The following ATXN7L1 variants were observed in gnomAD, a reference collection of about 807,000 sequenced individuals.
ATXN7L1 encodes ataxin-7-like protein 1.
ATXN7L1 carries 15 observed loss-of-function variants against 70.8 expected under a neutral mutation model. The observed-to-expected ratio is 0.21, with a 90% confidence interval of 0.14 to 0.33. The LOEUF is 0.33. Ranked by LOEUF, ATXN7L1 falls within the 10% of genes least tolerant of loss-of-function variation. The pLI is 1.00. For missense variants in ATXN7L1, 975 were observed against 1,097.1 expected (o/e 0.89, Z 1.57); for synonymous variants, 440 against 445.1 (o/e 0.99, Z 0.14).
intron 3 of ATXN7L1, among the ~76,000 whole-genome samples, chr7:105,708,901 T>C (rs1793517401): frequency 6.6e-6 from 1 of 152,216 alleles, no homozygotes; most frequent in Admixed American, 6.5e-5. Context: ...AAATGTTGCT[T>C]TTAGCAGACC....
rs554757416 is a variant in ATXN7L1, at chr7:105,824,498, G to T, written c.251-35790C>A. On this transcript the variant is annotated intron_variant, in intron 2 of 11. Transcript: ENST00000419735. Reference sequence around the variant, plus strand: ...CCAGGATGCAACGGTAAGAAAAAAAGCAGAAAACAATCAAGAGCTCTTGGA... The same window carrying T: ...CCAGGATGCAACGGTAAGAAAAAAATCAGAAAACAATCAAGAGCTCTTGGA... Among the ~76,000 whole-genome samples the T allele has an allele frequency of 2.0e-5, 3 of 152,166 alleles. No homozygotes were observed. The East Asian group carries it at 5.8e-4, about 29-fold the overall frequency.
At chr7:105,705,188 C>T (rs1157714210) in intron 3 of ATXN7L1, among the ~76,000 whole-genome samples, 6 of 151,104 alleles carry the variant, frequency 4.0e-5, no homozygotes, top group Non-Finnish European at 8.9e-5. Flanking sequence ...TCCACGCCTG[C>T]CTAATTATTG....
chr7:105,804,209 G>C (rs540623760), intron 2 of ATXN7L1, among the ~76,000 whole-genome samples: 2 of 152,330 alleles, frequency 1.3e-5, no homozygotes, highest in South Asian at 4.1e-4. Flanking sequence ...TTCAAGACAG[G>C]TGATAGCCAT....
At chr7:105,730,369 A>G (rs557792927) in intron 3 of ATXN7L1, among the ~76,000 whole-genome samples, 21 of 152,294 alleles carry the variant, frequency 1.4e-4, no homozygotes, top group African/African-American at 4.8e-4. Flanking sequence ...AGGCCTGACC[A>G]GAACTCCTCA....
intron 2 of ATXN7L1, among the ~76,000 whole-genome samples, chr7:105,865,607 T>C (rs992681501): frequency 3.9e-5 from 6 of 152,186 alleles, no homozygotes; most frequent in Non-Finnish European, 7.3e-5. Flanking sequence ...TTCACCGTGT[T>C]AGCCAGGATG....
Position 105,613,868 on chromosome 7 carries a change from A to C in ATXN7L1, c.2466T>G (p.Ser822=). The C allele has an allele frequency of 6.4e-7, 1 of 1,551,896 alleles. No homozygotes were observed. The highest frequency in any genetic ancestry group is 8.7e-7 in the Non-Finnish European group (1 of 1,147,020). The part of the protein sequence containing the change: ...PVPDPVNSTS[S]RQVGKNSSLA... ...GTGCCAGGAGGTCCCTTACCTGCCGAGAGGAGGTGCTGTTAACGGGATCGG... is the reference window on the plus strand; with the variant it reads ...GTGCCAGGAGGTCCCTTACCTGCCGCGAGGAGGTGCTGTTAACGGGATCGG... The change falls in exon 10 of 12, where the codon TCT becomes TCG. Residue 822 remains serine (S), a synonymous_variant. Transcript: ENST00000419735.
intron 4 of ATXN7L1, among the ~76,000 whole-genome samples, chr7:105,662,635 T>A (rs1562968513): frequency 6.6e-6 from 1 of 152,180 alleles, no homozygotes; most frequent in East Asian, 1.9e-4. Flanking sequence ...GCTCCCTGGG[T>A]CTCCTCCTGG....
At chr7:105,629,813 C>A (rs761215658) in intron 7 of ATXN7L1, among the ~76,000 whole-genome samples, 26 of 142,942 alleles carry the variant, frequency 1.8e-4, no homozygotes, top group Middle Eastern at 9.2e-3. Flanking sequence ...CCTCCGTGCC[C>A]GGTCTTATTA....
At position 105,700,455 on chromosome 7, in the gene ATXN7L1, T is replaced by C. The variant is rs191380587; in HGVS notation, c.356-35167A>G. ...CTGGGAGGCAGAGGTTGCAGTGAGC[T>C]GAGATTGCACCACCATGCACTCCAG... On this transcript the variant is annotated intron_variant, in intron 3 of 11. Transcript: ENST00000419735. Among the ~76,000 whole-genome samples, 164 of 118,214 alleles carry C rather than the reference T, an allele frequency of 1.4e-3. 1 individual carries two copies. Among genetic ancestry groups the C allele is most frequent in the Admixed American group, 3.2e-3 (31 of 9,558 alleles). The allele number at this position is 118,214 out of a possible 152,430, so 77.6% of individuals were successfully genotyped here.
intron 3 of ATXN7L1, among the ~76,000 whole-genome samples, chr7:105,776,456 G>A (rs575522502): frequency 8.2e-4 from 122 of 149,514 alleles, no homozygotes; most frequent in African/African-American, 2.9e-3. Context: ...TTTCTTCCAA[G>A]ATTCTTTTTT....
At position 105,740,784 on chromosome 7, in the gene ATXN7L1, T is replaced by TTTTTTTTTTTTTTTTTTTTTTTTTTTTG. The variant is rs556048408; in HGVS notation, c.355+47819_355+47820insCAAAAAAAAAAAAAAAAAAAAAAAAAAA. Among the ~76,000 whole-genome samples, 73 of 77,898 alleles carry TTTTTTTTTTTTTTTTTTTTTTTTTTTTG rather than the reference T, an allele frequency of 9.4e-4. 21 individuals carry two copies. The highest frequency in any genetic ancestry group is 2.7e-3 in the South Asian group (5 of 1,838). The allele number at this position is 77,898 out of a possible 152,430, so 51.1% of individuals were successfully genotyped here. The stretch of plus-strand genomic sequence containing the variant: ...GGCTCCATTCATTTTTTTTTTTTTT[T>TTTTTTTTTTTTTTTTTTTTTTTTTTTTG]AATGGAGTCTCACTCTGTCGCCCAG... On this transcript the variant is annotated intron_variant, in intron 3 of 11. Transcript: ENST00000419735.
intron 2 of ATXN7L1, among the ~76,000 whole-genome samples, chr7:105,869,633 T>C (rs1056536623): frequency 6.6e-6 from 1 of 152,150 alleles, no homozygotes; most frequent in Non-Finnish European, 1.5e-5. Context: ...CAGCAAACTC[T>C]TATAGTCACA....
chr7:105,646,255 A>G lies in ATXN7L1; in HGVS notation c.579-3134T>C, dbSNP rs573452738. Among the ~76,000 whole-genome samples, 16 of 152,202 alleles carry G rather than the reference A, an allele frequency of 1.1e-4. No individual in the cohort carries two copies. The South Asian group carries it at 2.3e-3, about 22-fold the overall frequency. On this transcript the variant is annotated intron_variant, in intron 4 of 11. Coordinates refer to ENST00000419735, the MANE Select transcript of ATXN7L1 (RefSeq NM_020725.2). ...AGCTCAAGAGTTTGAGGTTACAGTG[A>G]GCTAGGATCATGCTATTGCACAGAG...
At chr7:105,623,867 G>A (rs1054030985) in intron 8 of ATXN7L1, among the ~76,000 whole-genome samples, 5 of 152,140 alleles carry the variant, frequency 3.3e-5, no homozygotes, top group Admixed American at 3.3e-4. Context: ...GAAGTACTTG[G>A]GATTATAATA....
chr7:105,667,719 A>AC (rs1802880363), intron 3 of ATXN7L1, among the ~76,000 whole-genome samples: 1 of 151,836 alleles, frequency 6.6e-6, no homozygotes, highest in Non-Finnish European at 1.5e-5. Context: ...AAAAAAAAAA[A>AC]AAAGTCAACT....
chr7:105,625,097 G>C (rs1795505223), intron 7 of ATXN7L1, among the ~76,000 whole-genome samples: 1 of 152,144 alleles, frequency 6.6e-6, no homozygotes, highest in South Asian at 2.1e-4. Flanking sequence ...ACAAAGCTAT[G>C]ATTTTAGGAA....
intron 3 of ATXN7L1, among the ~76,000 whole-genome samples, chr7:105,673,843 G>T (rs1394376864): frequency 2.0e-5 from 3 of 152,252 alleles, no homozygotes; most frequent in Non-Finnish European, 4.4e-5. Flanking sequence ...ACCTGGGCCT[G>T]TTGTCTCATT....
chr7:105,837,566 T>C (rs1360163590), intron 2 of ATXN7L1, among the ~76,000 whole-genome samples: 1 of 152,040 alleles, frequency 6.6e-6, no homozygotes, highest in Non-Finnish European at 1.5e-5. Context: ...CTGCCTCCCA[T>C]CCACAGCACC....
chr7:105,803,206 C>T (rs1053465610), intron 2 of ATXN7L1, among the ~76,000 whole-genome samples: 1 of 152,260 alleles, frequency 6.6e-6, no homozygotes, highest in Non-Finnish European at 1.5e-5. Context: ...TGTAGAGTGG[C>T]CCCTACATTG....
Sources: gnomAD v4.1 joint callset for allele counts (sites outside exome capture counted in the v4.1 genomes callset) on GRCh38, gnomAD v4.1.1 for gene constraint, MANE v1.5 for transcripts, NCBI Gene and HGNC (gene_info 2026-07-23, HGNC 2026-07-21) for gene names.